Variants in DUSP13B observed in about 807,000 individuals in gnomAD.
DUSP13B encodes the protein dual specificity phosphatase 13B, also known as dual specificity protein phosphatase 13B.
the DUSP13B span, chr10:75,095,555 T>A: frequency 6.2e-7 from 1 of 1,608,566 alleles, no homozygotes; most frequent in Non-Finnish European, 8.5e-7. Flanking sequence ...CCCTCCACCA[T>A]GCCTGATCCA....
chr10:75,105,689 G>T, the DUSP13B span: 32 of 1,549,696 alleles, frequency 2.1e-5, no homozygotes, highest in African/African-American at 2.7e-5. Flanking sequence ...CCGGCACCCC[G>T]CAGTTGCTGG....
At chr10:75,097,951 G>A in the DUSP13B span, 2 of 1,441,702 alleles carry the variant, frequency 1.4e-6, no homozygotes, top group Non-Finnish European at 1.9e-6. Flanking sequence ...AGCTGATGGG[G>A]AAGCCCATGG....
chr10:75,108,214 G>C, the DUSP13B span: 3 of 1,593,386 alleles, frequency 1.9e-6, no homozygotes, highest in Non-Finnish European at 2.6e-6. Context: ...GTGGCCCTGG[G>C]GAGGGCAGGA....
the DUSP13B span, chr10:75,104,159 T>C: frequency 1.6e-6 from 2 of 1,225,656 alleles, no homozygotes; most frequent in Non-Finnish European, 2.2e-6. Context: ...TGGCTGGGAC[T>C]TGTTGGGGCA....
the DUSP13B span, among the ~76,000 whole-genome samples, chr10:75,102,961 A>C: frequency 3.3e-5 from 5 of 152,008 alleles, no homozygotes; most frequent in African/African-American, 1.2e-4. Flanking sequence ...TCCAAAAAAA[A>C]CATTAGCTGG....
At chr10:75,099,572 G>A in the DUSP13B span, 3 of 1,211,674 alleles carry the variant, frequency 2.5e-6, no homozygotes, top group Non-Finnish European at 3.1e-6. Context: ...GGGCGCCCAT[G>A]GGGGGTGGGG....
At chr10:75,105,701 C>T in the DUSP13B span, 1 of 1,551,396 alleles carries the variant, frequency 6.4e-7, no homozygotes, top group South Asian at 1.2e-5. Context: ...AGTTGCTGGT[C>T]CAGCCTGCAG....
chr10:75,102,844 C>T, the DUSP13B span, among the ~76,000 whole-genome samples: 7 of 152,078 alleles, frequency 4.6e-5, no homozygotes, highest in East Asian at 1.9e-4. Flanking sequence ...CCCAGCTACT[C>T]GGGAGCCTGA....
the DUSP13B span, chr10:75,108,276 GC>G: frequency 6.6e-7 from 1 of 1,523,116 alleles, no homozygotes; most frequent in Non-Finnish European, 8.7e-7. Context: ...GCTGTGCCTG[GC>G]CCCCTGCTGC....
the DUSP13B span, among the ~76,000 whole-genome samples, chr10:75,102,718 C>T: frequency 3.3e-5 from 5 of 152,052 alleles, no homozygotes; most frequent in South Asian, 2.1e-4. Context: ...TTTGGGAGGC[C>T]GAGGTGGGCG....
the DUSP13B span, among the ~76,000 whole-genome samples, chr10:75,103,620 G>A: frequency 2.0e-5 from 3 of 152,154 alleles, no homozygotes; most frequent in African/African-American, 7.2e-5. Flanking sequence ...ACTACTCCCC[G>A]CTTGCACTCC....
the DUSP13B span, chr10:75,104,019 G>A: frequency 2.2e-6 from 3 of 1,361,430 alleles, no homozygotes; most frequent in Non-Finnish European, 2.0e-6. Context: ...GCCTGGGCCA[G>A]AGCCTCCAGC....
At chr10:75,109,041 G>A in the DUSP13B span, 29 of 1,611,048 alleles carry the variant, frequency 1.8e-5, no homozygotes, top group Admixed American at 1.8e-4. Flanking sequence ...GCCAAACTTC[G>A]TCCACACGGC....
chr10:75,099,311 C>T, the DUSP13B span: 4 of 1,232,346 alleles, frequency 3.2e-6, no homozygotes, highest in Non-Finnish European at 3.0e-6. Context: ...CAGGAGGCTG[C>T]CGGCTTGGCC....
chr10:75,105,645 C>A, the DUSP13B span: 1 of 1,545,670 alleles, frequency 6.5e-7, no homozygotes, highest in African/African-American at 1.4e-5. Context: ...TCCAGCTTTG[C>A]CCCCTGAGGC....
At chr10:75,099,977 C>T in the DUSP13B span, among the ~76,000 whole-genome samples, 2 of 152,114 alleles carry the variant, frequency 1.3e-5, no homozygotes, top group African/African-American at 2.4e-5. Context: ...GGGAAGCCCC[C>T]AGGACCCAGA....
the DUSP13B span, chr10:75,101,766 A>ACCC: frequency 1.3e-6 from 1 of 748,174 alleles, no homozygotes; most frequent in Non-Finnish European, 2.1e-6. Flanking sequence ...CCCAACCCAA[A>ACCC]CCCCACCCCT....
the DUSP13B span, among the ~76,000 whole-genome samples, chr10:75,096,830 C>A: frequency 6.6e-6 from 1 of 152,068 alleles, no homozygotes; most frequent in Non-Finnish European, 1.5e-5. Context: ...ATTCAAATGT[C>A]CATATTCAGT....
the DUSP13B span, chr10:75,105,713 G>A: frequency 3.2e-6 from 5 of 1,553,132 alleles, no homozygotes; most frequent in Non-Finnish European, 4.4e-6. Flanking sequence ...AGCCTGCAGA[G>A]CTGGTGCAGG....
Sources: allele counts gnomAD v4.1 joint callset (sites outside exome capture counted in the v4.1 genomes callset), GRCh38; gene constraint gnomAD v4.1.1; transcripts MANE v1.5; gene names NCBI Gene and HGNC (gene_info 2026-07-23, HGNC 2026-07-21).